TRIT1: variants seen among roughly 807,000 people sequenced by gnomAD.
TRIT1 encodes tRNA dimethylallyltransferase.
Under a neutral mutation model 51.2 loss-of-function variants are expected in TRIT1, and 43 were observed. That is an observed-to-expected ratio of 0.84 (90% CI 0.66 to 1.08). The LOEUF (loss-of-function observed/expected upper bound fraction) is 1.08, where lower values mean the gene tolerates loss of function less well. TRIT1 is among the 50% of genes least tolerant of loss of function. TRIT1 has a pLI of 0.00. For missense variants in TRIT1, 528 were observed against 578.4 expected (o/e 0.91, Z 0.89); for synonymous variants, 184 against 203.9 (o/e 0.90, Z 0.83).
intron 1 of TRIT1, among the ~76,000 whole-genome samples, chr1:39,861,265 A>G (rs1643227200): frequency 6.6e-6 from 1 of 152,214 alleles, no homozygotes; most frequent in Non-Finnish European, 1.5e-5. Flanking sequence ...AAGGTGGCTC[A>G]TGCCTGTAAT....
rs1450776369 is a variant in TRIT1 at position 39,841,765 on chromosome 1, T to C, written c.1383A>G (p.Gln461=). 6.2e-7 allele frequency: 1 copy of C among 1,612,454 alleles called. No homozygotes were observed. The highest frequency in any genetic ancestry group is 1.7e-5 in the Admixed American group (1 of 59,610). Residue 461 remains glutamine (Q), a synonymous_variant, in exon 11 of 11, where the codon CAA becomes CAG. Coordinates refer to ENST00000316891, the MANE Select transcript of TRIT1 (RefSeq NM_017646.6). ...TCTCTTAAACGCTGCATTTCAGCTCTTGATCATTCTGCCCTGGGGATCCCT... is the reference window on the plus strand; with the variant it reads ...TCTCTTAAACGCTGCATTTCAGCTCCTGATCATTCTGCCCTGGGGATCCCT... ...KEKGSPGQND[Q]ELKCSV is the part of the protein sequence containing the mutation.
At chr1:39,873,649 T>C (rs1188696978) in intron 1 of TRIT1, among the ~76,000 whole-genome samples, 1 of 152,196 alleles carries the variant, frequency 6.6e-6, no homozygotes, top group Non-Finnish European at 1.5e-5. Flanking sequence ...CATGATGATG[T>C]AAGATATTAA....
In TRIT1 at chr1:39,844,585, C is replaced by T. The variant is rs1187299199; in HGVS notation, c.1062G>A (p.Lys354=). ...VYGLEVSDVS[K]WEESVLEPAL... ...CAGGTTCAAGAACAGACTCTTCCCA[C>T]TTCGAGACATCAGATACCTCTAAGC... Residue 354 remains lysine, a synonymous_variant, in exon 9 of 11, where the codon AAG becomes AAA. Transcript: ENST00000316891. 1 of 1,614,080 alleles carries T rather than the reference C, an allele frequency of 6.2e-7. No individual in the cohort carries two copies. The highest frequency in any genetic ancestry group is 1.7e-5 in the Admixed American group (1 of 60,028).
chr1:39,847,671 G>A lies in TRIT1; in HGVS notation c.816-11C>T. 6.2e-7 allele frequency: 1 copy of A among 1,614,190 alleles called. No individual in the cohort carries two copies. Among genetic ancestry groups the A allele is most frequent in the African/African-American group, 1.3e-5 (1 of 75,058 alleles). On this transcript the variant is annotated splice_polypyrimidine_tract_variant and intron_variant, in intron 6 of 10. Transcript: ENST00000316891. ...TGTTGATAGTCCTGGCTGGGAACAG[G>A]AGGGTATCAGCAGATAAGCCATTGC...
At position 39,841,690 on chromosome 1, in the gene TRIT1, C is replaced by G; in HGVS notation, c.*54G>C. ...CCCAGACTGGGAGACAAACATACCC[C>G]TCCCTCCTGAACTGGATCCCCACCA... On this transcript the variant is annotated 3_prime_UTR_variant, in exon 11 of 11. Coordinates refer to ENST00000316891, the MANE Select transcript of TRIT1 (RefSeq NM_017646.6). The G allele has an allele frequency of 6.5e-7, 1 of 1,533,336 alleles. No individual in the cohort carries two copies. The highest frequency in any genetic ancestry group is 8.8e-7 in the Non-Finnish European group (1 of 1,139,036). 95.0% of individuals were successfully genotyped at this position (1,533,336 alleles called of 1,614,324 possible). A position where few individuals can be genotyped will look rare whatever the true frequency, so the allele number is the denominator to read the frequency against.
At chr1:39,862,877 T>C (rs1643330635) in intron 1 of TRIT1, 1 of 985,354 alleles carries the variant, frequency 1.0e-6, no homozygotes, top group East Asian at 1.1e-4. Context: ...CTGTGTTATC[T>C]TTCAAAGACA....
intron 1 of TRIT1, among the ~76,000 whole-genome samples, chr1:39,869,009 G>T (rs1050754704): frequency 5.9e-5 from 9 of 151,956 alleles, no homozygotes; most frequent in Non-Finnish European, 8.8e-5. Flanking sequence ...GCAGTGAGCC[G>T]AGATCGTGCC....
At chr1:39,857,924 C>A (rs1307033106) in intron 1 of TRIT1, among the ~76,000 whole-genome samples, 1 of 152,172 alleles carries the variant, frequency 6.6e-6, no homozygotes, top group Non-Finnish European at 1.5e-5. Flanking sequence ...CATACACATA[C>A]ACACTTTGAA....
rs57202271 is a variant in TRIT1, at chr1:39,861,785, G to A, written c.175-4368C>T. Among the ~76,000 whole-genome samples, 451 of 152,028 alleles carry A rather than the reference G, an allele frequency of 3.0e-3. 4 individuals are homozygous for A. The highest frequency in any genetic ancestry group is 0.01 in the African/African-American group (433 of 41,462). Reference sequence around the variant, plus strand: ...CTAAAAATATAAAAATTAGCCAGGCGTGGTAGCAGGCACCTGTAATCCCAG... The same window carrying A: ...CTAAAAATATAAAAATTAGCCAGGCATGGTAGCAGGCACCTGTAATCCCAG... On this transcript the variant is annotated intron_variant, in intron 1 of 10. Transcript: ENST00000316891.
intron 10 of TRIT1, among the ~76,000 whole-genome samples, chr1:39,842,724 T>C (rs990472769): frequency 3.9e-5 from 6 of 152,216 alleles, no homozygotes; most frequent in South Asian, 2.1e-4. Flanking sequence ...CTGAAAGAGA[T>C]GGACAACTAG....
At chr1:39,860,958 A>G (rs1343640074) in intron 1 of TRIT1, among the ~76,000 whole-genome samples, 3 of 152,096 alleles carry the variant, frequency 2.0e-5, no homozygotes, top group African/African-American at 7.2e-5. Context: ...CACGCCTGTA[A>G]TCTCAGCTAC....
In TRIT1 at chr1:39,883,500, A is replaced by C. The variant is rs756298993; in HGVS notation, c.-9T>G. ...GCCGCCACGGACGCCATCTTATGGC[A>C]GTCTGCGCTTGCGCCGGAGCAGCTG... is the stretch of plus-strand genomic sequence containing the variant. On this transcript the variant is annotated 5_prime_UTR_variant, in exon 1 of 11. Transcript: ENST00000316891. 6.3e-7 allele frequency: 1 copy of C among 1,588,032 alleles called. No individual in the cohort carries two copies. The highest frequency in any genetic ancestry group is 1.1e-5 in the South Asian group (1 of 90,184).
intron 1 of TRIT1, among the ~76,000 whole-genome samples, chr1:39,873,417 G>A (rs1431810896): frequency 2.0e-5 from 3 of 152,122 alleles, no homozygotes; most frequent in Non-Finnish European, 4.4e-5. Flanking sequence ...GAGCTGACCA[G>A]TACCCTTCAA....
At chr1:39,880,178 C>CAAT (rs776029256) in intron 1 of TRIT1, among the ~76,000 whole-genome samples, 1 of 94,582 alleles carries the variant, frequency 1.1e-5, no homozygotes, top group African/African-American at 4.0e-5. Flanking sequence ...CGTCTCAAAA[C>CAAT]AACAACAACA....
intron 10 of TRIT1, among the ~76,000 whole-genome samples, chr1:39,842,719 A>C (rs2124569840): frequency 6.6e-6 from 1 of 152,360 alleles, no homozygotes; most frequent in South Asian, 2.1e-4. Context: ...GAACACTGAA[A>C]GAGATGGACA....
chr1:39,875,697 C>A (rs1644029784), intron 1 of TRIT1, among the ~76,000 whole-genome samples: 1 of 151,962 alleles, frequency 6.6e-6, no homozygotes, highest in South Asian at 2.1e-4. Flanking sequence ...CCATACTGTT[C>A]TTTTGTCAGT....
rs533975027 is a variant in TRIT1 at position 39,860,344 on chromosome 1, T to C, written c.175-2927A>G. ...ATACAGACTAGACATCTGATTTACA[T>C]ATAATATGGTTTTATGGGTATGTTT... is the stretch of plus-strand genomic sequence containing the variant. On this transcript the variant is annotated intron_variant, in intron 1 of 10. Transcript: ENST00000316891. 1.2e-4 allele frequency among the ~76,000 whole-genome samples: 18 copies of C among 152,336 alleles called. No individual in the cohort carries two copies. The South Asian group carries it at 3.5e-3, about 30-fold the overall frequency.
intron 1 of TRIT1, among the ~76,000 whole-genome samples, chr1:39,867,482 C>A (rs970439110): frequency 6.6e-6 from 1 of 152,002 alleles, no homozygotes; most frequent in South Asian, 2.1e-4. Flanking sequence ...GTATAACATA[C>A]ATGTGATACA....
chr1:39,850,350 T>C lies in TRIT1; in HGVS notation c.561-89A>G, dbSNP rs944369292. ...TCAAGTAAAACAAGGAGAAAGGCTG[T>C]TTATTACAGAAAGCCTCTTTCTTGA... On this transcript the variant is annotated intron_variant, in intron 4 of 10. Transcript: ENST00000316891. The C allele has an allele frequency of 1.5e-5, 22 of 1,501,050 alleles. No individual in the cohort carries two copies. The African/African-American group carries it at 2.7e-4, about 18-fold the overall frequency. The allele number at this position is 1,501,050 out of a possible 1,614,324, so 93.0% of individuals were successfully genotyped here.
Sources: allele counts gnomAD v4.1 joint callset (sites outside exome capture counted in the v4.1 genomes callset), GRCh38; gene constraint gnomAD v4.1.1; transcripts MANE v1.5; gene names NCBI Gene and HGNC (gene_info 2026-07-23, HGNC 2026-07-21).